MRTFB: variants seen among roughly 807,000 people sequenced by gnomAD.
MRTFB encodes the protein myocardin-related transcription factor B.
MRTFB carries 29 observed loss-of-function variants against 104.2 expected under a neutral mutation model. That is an observed-to-expected ratio of 0.28 (90% CI 0.21 to 0.38). The LOEUF (loss-of-function observed/expected upper bound fraction) is 0.38. Among genes scored for constraint, MRTFB ranks in the 10% least tolerant of loss-of-function variants. The pLI, the probability that MRTFB is intolerant of heterozygous loss-of-function variation, is 1.00. For synonymous variants in MRTFB, 535 were observed against 519.5 expected (o/e 1.03, Z -0.41); for missense variants, 1,270 against 1,341.6 (o/e 0.95, Z 0.83).
At chr16:13,996,026 C>G in the MRTFB span, among the ~76,000 whole-genome samples, 1 of 152,284 alleles carries the variant, frequency 6.6e-6, no homozygotes, top group East Asian at 1.9e-4. Context: ...AATCCTATCA[C>G]TTTGGGAGGC....
At chr16:14,042,941 A>G in the MRTFB span, among the ~76,000 whole-genome samples, 1 of 152,104 alleles carries the variant, frequency 6.6e-6, no homozygotes, top group Admixed American at 6.5e-5. Flanking sequence ...GTTTTTGCTA[A>G]GTTGTTTGCT....
chr16:14,079,703 A>G (rs1422506138), intron 2 of MRTFB, among the ~76,000 whole-genome samples: 2 of 152,160 alleles, frequency 1.3e-5, no homozygotes, highest in Non-Finnish European at 1.5e-5. Context: ...AGGGAGTTGA[A>G]AGAATTTTAA....
intron 7 of MRTFB, among the ~76,000 whole-genome samples, chr16:14,218,341 G>A (rs143587060): frequency 3.9e-5 from 6 of 152,296 alleles, no homozygotes; most frequent in African/African-American, 1.4e-4. Context: ...TTACAGGCGT[G>A]AGCCACCGCA....
chr16:14,143,472 T>C (rs182721103), intron 3 of MRTFB: 12 of 152,028 alleles, frequency 7.9e-5, no homozygotes, highest in Admixed American at 7.9e-4. Flanking sequence ...ATCTTCCCGG[T>C]ATCTTTGAAT....
At chr16:14,120,537 C>CAAAAAAA (rs1374638793) in intron 2 of MRTFB, among the ~76,000 whole-genome samples, 394 of 152,306 alleles carry the variant, frequency 2.6e-3, no homozygotes, top group African/African-American at 8.8e-3. Context: ...TCACTGATTG[C>CAAAAAAA]ATAGTCTTAT....
chr16:14,225,340 T>C (rs1331926732), intron 8 of MRTFB, among the ~76,000 whole-genome samples: 1 of 152,196 alleles, frequency 6.6e-6, no homozygotes, highest in Non-Finnish European at 1.5e-5. Context: ...TATAACAACG[T>C]AGTTTGTGAA....
rs1027295255 is a variant in MRTFB at position 14,266,148 on chromosome 16, G to A, written c.*4704G>A. ...TTTTTATTTAAAATTTGAGACTAAT[G>A]AGATCTCAAAAATCAGCCCCAAAAA... On this transcript the variant is annotated 3_prime_UTR_variant, in exon 17 of 17. Transcript: ENST00000571589. The A allele has an allele frequency of 5.9e-5, 9 of 152,142 alleles. No individual in the cohort carries two copies. Among genetic ancestry groups the A allele is most frequent in the Non-Finnish European group, 1.3e-4 (9 of 68,026 alleles). The allele number at this position is 152,142 out of a possible 1,614,324, so 9.4% of individuals were successfully genotyped here. A position where few individuals can be genotyped will look rare whatever the true frequency, so the allele number is the denominator to read the frequency against.
At position 14,243,864 on chromosome 16, in the gene MRTFB, G is replaced by GTTTTTTTTTTTTTTTTTTTTTTT; in HGVS notation, c.1080-1651_1080-1650insTTTTTTTTTTTTTTTTTTTTTTT. Among the ~76,000 whole-genome samples, 123 of 124,586 alleles carry GTTTTTTTTTTTTTTTTTTTTTTT rather than the reference G, an allele frequency of 9.9e-4. 13 individuals carry two copies. The highest frequency in any genetic ancestry group is 8.3e-3 in the Middle Eastern group (2 of 240). 81.7% of individuals were successfully genotyped at this position (124,586 alleles called of 152,430 possible). A position where few individuals can be genotyped will look rare whatever the true frequency, so the allele number is the denominator to read the frequency against. On this transcript the variant is annotated intron_variant, in intron 10 of 16. Transcript: ENST00000571589. ...CAGAGATTAGTTTTGCCTGTTTTGG[G>GTTTTTTTTTTTTTTTTTTTTTTT]TTTTTTTTTTTTTGAGACAGAGTCT... is the stretch of plus-strand genomic sequence containing the variant.
At chr16:14,149,346 C>CT (rs2038496723) in intron 3 of MRTFB, 1 of 152,154 alleles carries the variant, frequency 6.6e-6, no homozygotes, top group Non-Finnish European at 1.5e-5. Flanking sequence ...AGCAAAAAGT[C>CT]TGATTCACGG....
chr16:14,026,093 A>G, the MRTFB span, among the ~76,000 whole-genome samples: 1 of 152,228 alleles, frequency 6.6e-6, no homozygotes, highest in Non-Finnish European at 1.5e-5. Flanking sequence ...GAATCCCACT[A>G]GTGGTTTTTT....
At chr16:14,226,592 AG>A (rs1460872229) in intron 8 of MRTFB, among the ~76,000 whole-genome samples, 1 of 152,224 alleles carries the variant, frequency 6.6e-6, no homozygotes, top group Non-Finnish European at 1.5e-5. Context: ...AAGAAAATGT[AG>A]GGGAAAGCTT....
intron 3 of MRTFB, among the ~76,000 whole-genome samples, chr16:14,155,253 C>T (rs887399897): frequency 1.3e-5 from 2 of 151,928 alleles, no homozygotes; most frequent in Admixed American, 6.6e-5. Flanking sequence ...ATCTAATATG[C>T]TGTTAATCCC....
chr16:14,068,596 G>A (rs1720881159), upstream of MRTFB, among the ~76,000 whole-genome samples: 1 of 152,162 alleles, frequency 6.6e-6, no homozygotes, highest in African/African-American at 2.4e-5. Flanking sequence ...GTGTGTCGTT[G>A]CGTGTTGCTG....
At chr16:14,054,200 T>C in the MRTFB span, among the ~76,000 whole-genome samples, 5 of 152,080 alleles carry the variant, frequency 3.3e-5, no homozygotes, top group South Asian at 1.0e-3. Context: ...TCCTTTTCAT[T>C]TTTTCTTTTT....
chr16:13,996,238 C>T, the MRTFB span, among the ~76,000 whole-genome samples: 1 of 151,890 alleles, frequency 6.6e-6, no homozygotes, highest in African/African-American at 2.4e-5. Context: ...TGCCGTTGCA[C>T]TCCAGCCTGG....
At chr16:14,055,102 AG>A in the MRTFB span, among the ~76,000 whole-genome samples, 1 of 152,230 alleles carries the variant, frequency 6.6e-6, no homozygotes, top group Admixed American at 6.5e-5. Context: ...CTATAATCCC[AG>A]CACTTTGGGA....
the MRTFB span, among the ~76,000 whole-genome samples, chr16:14,048,351 G>A: frequency 6.6e-6 from 1 of 152,198 alleles, no homozygotes; most frequent in Non-Finnish European, 1.5e-5. Flanking sequence ...TAAAGTGGTT[G>A]GTGGAGGTGA....
chr16:14,262,859 C>T lies in MRTFB; in HGVS notation c.*1415C>T, dbSNP rs2043821898. 1 of 152,244 alleles carries T rather than the reference C, an allele frequency of 6.6e-6. No homozygotes were observed. Among genetic ancestry groups the T allele is most frequent in the Non-Finnish European group, 1.5e-5 (1 of 68,042 alleles). The allele number at this position is 152,244 out of a possible 1,614,324, so 9.4% of individuals were successfully genotyped here. On this transcript the variant is annotated 3_prime_UTR_variant, in exon 17 of 17. Coordinates refer to ENST00000571589, the MANE Select transcript of MRTFB (RefSeq NM_001308142.2). The stretch of plus-strand genomic sequence containing the variant: ...TTAAATAATAATATTGTGCTCTCCA[C>T]CTCACCCTTGTGTAAACCCTCAGGT...
intron 2 of MRTFB, among the ~76,000 whole-genome samples, chr16:14,113,970 A>T (rs2036407757): frequency 6.6e-6 from 1 of 152,186 alleles, no homozygotes; most frequent in Non-Finnish European, 1.5e-5. Context: ...CTAGTTTTTA[A>T]AAGTCTGTTA....
Sources: gnomAD v4.1 joint callset for allele counts (sites outside exome capture counted in the v4.1 genomes callset) on GRCh38, gnomAD v4.1.1 for gene constraint, MANE v1.5 for transcripts, NCBI Gene and HGNC (gene_info 2026-07-23, HGNC 2026-07-21) for gene names.